CNTN4: variants seen among roughly 807,000 people sequenced by gnomAD.
CNTN4 encodes contactin-4.
A neutral mutation model predicts 122.5 loss-of-function variants in CNTN4; 77 were observed. That is an observed-to-expected ratio of 0.63 (90% confidence interval 0.52 to 0.76). The LOEUF is 0.76. CNTN4 is among the 30% of genes least tolerant of loss of function. The pLI is 0.00. For missense variants in CNTN4, 1,256 were observed against 1,259.1 expected, an observed-to-expected ratio of 1.00 and a Z score of 0.04; for synonymous variants, 512 against 447.0, an observed-to-expected ratio of 1.15 and a Z score of -1.83.
intron 2 of CNTN4, among the ~76,000 whole-genome samples, chr3:2,293,184 G>T (rs919291998): frequency 6.6e-6 from 1 of 152,148 alleles, no homozygotes; most frequent in Non-Finnish European, 1.5e-5. Context: ...TGTGTAAATT[G>T]TGCATTTTTC....
At chr3:2,971,358 A>G (rs5024706) in intron 13 of CNTN4, among the ~76,000 whole-genome samples, 13 of 71,488 alleles carry the variant, frequency 1.8e-4, no homozygotes, top group African/African-American at 9.5e-4. Context: ...CTGTCTATCT[A>G]TCTATCTATC....
chr3:2,156,912 C>T (rs2035747517), intron 2 of CNTN4, among the ~76,000 whole-genome samples: 4 of 152,166 alleles, frequency 2.6e-5, no homozygotes, highest in Admixed American at 2.0e-4. Context: ...CTCTTGGATG[C>T]TTATTTTATC....
intron 3 of CNTN4, among the ~76,000 whole-genome samples, chr3:2,383,006 C>T (rs1030728703): frequency 1.3e-5 from 2 of 150,916 alleles, no homozygotes; most frequent in East Asian, 1.9e-4. Flanking sequence ...ACTCGGGAGG[C>T]GGAGGTTGCA....
At chr3:2,929,359 G>T (rs1480724362) in intron 13 of CNTN4, among the ~76,000 whole-genome samples, 2 of 152,176 alleles carry the variant, frequency 1.3e-5, no homozygotes, top group Admixed American at 1.3e-4. Context: ...TAAGACTGAA[G>T]TTGACCTATT....
intron 13 of CNTN4, among the ~76,000 whole-genome samples, chr3:2,971,950 A>G (rs1273586800): frequency 6.6e-6 from 1 of 152,190 alleles, no homozygotes; most frequent in Non-Finnish European, 1.5e-5. Flanking sequence ...AATAAACCTG[A>G]ATGCTTATAT....
intron 4 of CNTN4, among the ~76,000 whole-genome samples, chr3:2,666,992 G>C (rs755843153): frequency 3.9e-5 from 6 of 152,094 alleles, no homozygotes; most frequent in Admixed American, 1.3e-4. Context: ...CTCTATCATT[G>C]ATGGACATTT....
chr3:2,179,191 A>G (rs980271287), intron 2 of CNTN4, among the ~76,000 whole-genome samples: 4 of 152,104 alleles, frequency 2.6e-5, no homozygotes, highest in Non-Finnish European at 4.4e-5. Flanking sequence ...AGTAATCATC[A>G]TGTAATTGCA....
intron 3 of CNTN4, among the ~76,000 whole-genome samples, chr3:2,513,208 A>G (rs957089546): frequency 2.0e-5 from 3 of 152,166 alleles, no homozygotes; most frequent in Admixed American, 6.5e-5. Context: ...TTTGATGGCT[A>G]TATGGTCCCT....
chr3:2,369,665 C>G (rs1413916538), intron 3 of CNTN4, among the ~76,000 whole-genome samples: 1 of 152,066 alleles, frequency 6.6e-6, no homozygotes, highest in Admixed American at 6.6e-5. Context: ...TGCTTCCTTC[C>G]TCCTGCTTGG....
chr3:2,672,418 G>A (rs112782300), intron 4 of CNTN4, among the ~76,000 whole-genome samples: 22,694 of 152,184 alleles, frequency 0.15, 2,123 homozygotes, highest in African/African-American at 0.26. Context: ...CGAGCCATGC[G>A]CGGGATATAA....
intron 12 of CNTN4, among the ~76,000 whole-genome samples, chr3:2,918,097 T>C (rs922401935): frequency 1.3e-5 from 2 of 152,184 alleles, no homozygotes; most frequent in African/African-American, 4.8e-5. Context: ...AAATATATGC[T>C]CTCATTGCCT....
At chr3:2,363,901 G>A (rs2045265931) in intron 3 of CNTN4, among the ~76,000 whole-genome samples, 1 of 152,158 alleles carries the variant, frequency 6.6e-6, no homozygotes, top group Admixed American at 6.5e-5. Flanking sequence ...TAGCTTTAAT[G>A]TAGGTGATTT....
In CNTN4 at chr3:2,508,321, C is replaced by T. The variant is rs549498824; in HGVS notation, c.-88-63095C>T. 1.1e-4 allele frequency among the ~76,000 whole-genome samples: 16 copies of T among 152,314 alleles called. No individual in the cohort carries two copies. The East Asian group carries it at 2.7e-3, about 26-fold the overall frequency. On this transcript the variant is annotated intron_variant, in intron 3 of 24. Coordinates refer to ENST00000418658, the MANE Select transcript of CNTN4 (RefSeq NM_175607.3). ...AGCTGGAGAAATGTCACAGTTGTCT[C>T]AGCTTTTGACTCTGACTTTTAGTGA... is the stretch of plus-strand genomic sequence containing the variant.
At chr3:2,434,201 A>G (rs2048179139) in intron 3 of CNTN4, among the ~76,000 whole-genome samples, 1 of 152,218 alleles carries the variant, frequency 6.6e-6, no homozygotes, top group Admixed American at 6.5e-5. Context: ...GAATTTGTTC[A>G]TTAGCCTGAT....
intron 3 of CNTN4, among the ~76,000 whole-genome samples, chr3:2,419,367 G>T (rs1417446264): frequency 6.6e-6 from 1 of 151,954 alleles, no homozygotes; most frequent in Non-Finnish European, 1.5e-5. Flanking sequence ...CTTCTATCAA[G>T]AAATAAAGAG....
intron 2 of CNTN4, among the ~76,000 whole-genome samples, chr3:2,245,268 C>A (rs1163360122): frequency 6.6e-6 from 1 of 151,996 alleles, no homozygotes. Flanking sequence ...AGGGAGATCC[C>A]TAATTCATTT....
intron 7 of CNTN4, chr3:2,866,426 C>G: frequency 1.8e-6 from 2 of 1,142,212 alleles, no homozygotes; most frequent in Non-Finnish European, 2.2e-6. Flanking sequence ...GTAATTTGAG[C>G]ATTACTCAAT....
At chr3:2,689,764 C>T (rs1423892147) in intron 4 of CNTN4, among the ~76,000 whole-genome samples, 2 of 152,094 alleles carry the variant, frequency 1.3e-5, no homozygotes, top group African/African-American at 2.4e-5. Flanking sequence ...GTTTCCCCCA[C>T]CTCCTCTCTC....
At chr3:2,550,147 C>T (rs2078431143) in intron 3 of CNTN4, among the ~76,000 whole-genome samples, 1 of 152,070 alleles carries the variant, frequency 6.6e-6, no homozygotes, top group Non-Finnish European at 1.5e-5. Flanking sequence ...TTCAAAAAAC[C>T]AGTTCCTGGA....
Sources: gnomAD v4.1 joint callset for allele counts (sites outside exome capture counted in the v4.1 genomes callset) on GRCh38, gnomAD v4.1.1 for gene constraint, MANE v1.5 for transcripts, NCBI Gene and HGNC (gene_info 2026-07-23, HGNC 2026-07-21) for gene names.